STARD3: variants seen among roughly 807,000 people sequenced by gnomAD.
The protein encoded by STARD3 is StAR related lipid transfer domain containing 3.
A neutral mutation model predicts 62.0 loss-of-function variants in STARD3; 39 were observed. The ratio of observed to expected loss-of-function variants is 0.63; its 90% CI spans 0.49 to 0.82. STARD3 has a LOEUF of 0.82. STARD3 is among the 40% of genes least tolerant of loss of function. The probability of loss-of-function intolerance (pLI) is 0.00; values close to 1 mark genes in which losing one functional copy is unlikely to be tolerated. For synonymous variants in STARD3, 229 were observed against 242.4 expected (o/e 0.94, Z 0.51); for missense variants, 543 against 584.5 (o/e 0.93, Z 0.73).
At position 39,660,344 on chromosome 17, in the gene STARD3, C is replaced by T; in HGVS notation, c.858+71C>T. 6.2e-7 allele frequency: 1 copy of T among 1,611,300 alleles called. No individual in the cohort carries two copies. Among genetic ancestry groups the T allele is most frequent in the Non-Finnish European group, 8.5e-7 (1 of 1,177,924 alleles). On this transcript the variant is annotated intron_variant, in intron 10 of 14. Transcript: ENST00000336308. This position sits in a 1 kb window ranked among gnomAD's most constrained non-coding sequence, Gnocchi z 4.8. Reference sequence around the variant, plus strand: ...GGCTCCAGGAAGGTGCCGAGGGGCCCTCTGGTGGGTGCCCCCCACCAAGAG... The same window carrying T: ...GGCTCCAGGAAGGTGCCGAGGGGCCTTCTGGTGGGTGCCCCCCACCAAGAG...
chr17:39,650,548 C>T (rs1448254529), intron 1 of STARD3, among the ~76,000 whole-genome samples: 1 of 152,156 alleles, frequency 6.6e-6, no homozygotes, highest in Non-Finnish European at 1.5e-5. Flanking sequence ...TGACTCACGC[C>T]TGTAATCCCA....
Position 39,658,739 on chromosome 17 carries a change from G to A in STARD3, c.565G>A (p.Val189Ile). The A allele has an allele frequency of 6.2e-7, 1 of 1,613,994 alleles. No homozygotes were observed. Among genetic ancestry groups the A allele is most frequent in the Non-Finnish European group, 8.5e-7 (1 of 1,179,990 alleles). ...EEERWYLAAQVAVARGPLLFS... is the reference protein window; with the variant it reads ...EEERWYLAAQIAVARGPLLFS... ...TCCTCCAGGGTATCTTGCCGCCCAG[G>A]TTGCTGTTGCCCGTGGACCCCTGCT... The change falls in exon 7 of 15, where the codon GTT (valine) becomes ATT (isoleucine). Residue 189 changes from valine to isoleucine, a missense_variant. By Grantham distance (29) the Val-to-Ile change is conservative. Transcript: ENST00000336308.
At chr17:39,646,586 TGA>T (rs981432876) in intron 1 of STARD3, among the ~76,000 whole-genome samples, 1 of 152,142 alleles carries the variant, frequency 6.6e-6, no homozygotes, top group African/African-American at 2.4e-5. Flanking sequence ...CTGAGGAAAC[TGA>T]GTCTCAGAAG....
rs1021057084 is a variant in STARD3 at position 39,663,841 on chromosome 17, G to A, written c.*933G>A. Among the ~76,000 whole-genome samples, 4 of 152,134 alleles carry A rather than the reference G, an allele frequency of 2.6e-5. No homozygotes were observed. Among genetic ancestry groups the A allele is most frequent in the African/African-American group, 9.7e-5 (4 of 41,410 alleles). ...CCTGGAGATGGGGCCTGAGCTTCAGGGTCACTGAGGCACCTCTGGGATCCA... is the reference window on the plus strand; with the variant it reads ...CCTGGAGATGGGGCCTGAGCTTCAGAGTCACTGAGGCACCTCTGGGATCCA... On this transcript the variant is annotated 3_prime_UTR_variant, in exon 15 of 15. Transcript: ENST00000336308.
At chr17:39,643,468 G>A (rs558387719) in intron 1 of STARD3, among the ~76,000 whole-genome samples, 15 of 152,272 alleles carry the variant, frequency 9.9e-5, no homozygotes, top group African/African-American at 3.6e-4. Flanking sequence ...GCATTAAGGA[G>A]ATGGTGTCTG....
At chr17:39,659,156 G>T (rs2057166308) in intron 8 of STARD3, 50 bp downstream of exon 8, 6 of 1,612,024 alleles carry the variant, frequency 3.7e-6, no homozygotes, top group Non-Finnish European at 5.1e-6. Context: ...GGTGCCTGGA[G>T]GAGGGCGGGT....
In STARD3 at chr17:39,653,515, G is replaced by T. The variant is rs754729142; in HGVS notation, c.-17G>T. 1.2e-6 allele frequency: 2 copies of T among 1,600,400 alleles called. No individual in the cohort carries two copies. The highest frequency in any genetic ancestry group is 1.7e-6 in the Non-Finnish European group (2 of 1,179,316). ...TGAGGCCGCGCCCTCCCCGCCCTGA[G>T]GTGGGGGCCCACCAGGATGAGCAAG... On this transcript the variant is annotated 5_prime_UTR_variant, in exon 2 of 15. In the 5' UTR this introduces an upstream ATG that the reference lacks. Transcript: ENST00000336308.
intron 14 of STARD3, chr17:39,662,602 C>T (rs2057212547): frequency 1.3e-5 from 8 of 639,974 alleles, no homozygotes. Context: ...CCGGCCCCAC[C>T]CTGGTCTGTT....
chr17:39,663,228 A>C lies in STARD3; in HGVS notation c.*320A>C. 2.4e-6 allele frequency: 1 copy of C among 410,490 alleles called. No homozygotes were observed. The highest frequency in any genetic ancestry group is 2.0e-5 in the African/African-American group (1 of 48,830). 25.4% of individuals were successfully genotyped at this position (410,490 alleles called of 1,614,324 possible). On this transcript the variant is annotated 3_prime_UTR_variant, in exon 15 of 15. Transcript: ENST00000336308. ...TGGGCACCTGACTTGGCTGGGGAGG[A>C]CCAGGGCCCTGGGCAGGGCAGGGCA...
chr17:39,648,847 G>T (rs1349047813), intron 1 of STARD3, among the ~76,000 whole-genome samples: 1 of 152,212 alleles, frequency 6.6e-6, no homozygotes, highest in Admixed American at 6.5e-5. Context: ...GCATGTGAGT[G>T]TCAGTGTGGT....
chr17:39,637,854 C>T (rs1430600725), intron 1 of STARD3, among the ~76,000 whole-genome samples: 1 of 152,202 alleles, frequency 6.6e-6, no homozygotes, highest in African/African-American at 2.4e-5. Context: ...TGTCGCCCAA[C>T]CCCTCGCTCT....
At position 39,641,437 on chromosome 17, in the gene STARD3, A is replaced by G. The variant is rs954064026; in HGVS notation, c.-52+4206A>G. Among the ~76,000 whole-genome samples, 5 of 152,052 alleles carry G rather than the reference A, an allele frequency of 3.3e-5. No individual in the cohort carries two copies. The South Asian group carries it at 1.0e-3, about 32-fold the overall frequency. On this transcript the variant is annotated intron_variant, in intron 1 of 14. Transcript: ENST00000336308. Reference sequence around the variant, plus strand: ...AGCCACTGCACTCCAGTCTGGCAACATAGTGAGACCTGTCTCTTAAAAAAA... The same window carrying G: ...AGCCACTGCACTCCAGTCTGGCAACGTAGTGAGACCTGTCTCTTAAAAAAA...
Position 39,662,357 on chromosome 17 carries a change from G to A in STARD3, c.1233+13G>A. The A allele has an allele frequency of 6.2e-7, 1 of 1,612,128 alleles. No homozygotes were observed. The highest frequency in any genetic ancestry group is 8.5e-7 in the Non-Finnish European group (1 of 1,179,022). ...TACAGATCTCAAGGTGGGGTGCTGG[G>A]GGGCTGCCAGGTGGGTTCTGTGGAG... is the stretch of plus-strand genomic sequence containing the variant. On this transcript the variant is annotated intron_variant, in intron 14 of 14. Transcript: ENST00000336308.
At chr17:39,639,927 G>A (rs2056968357) in intron 1 of STARD3, among the ~76,000 whole-genome samples, 1 of 152,212 alleles carries the variant, frequency 6.6e-6, no homozygotes, top group South Asian at 2.1e-4. Context: ...TCCAGCCTGG[G>A]TCAGATGATC....
chr17:39,660,654 T>G lies in STARD3; in HGVS notation c.954+128T>G. On this transcript the variant is annotated intron_variant, in intron 11 of 14. Transcript: ENST00000336308. The surrounding 1 kb of genome is among the most constrained non-coding windows in gnomAD (Gnocchi z 4.8). ...TGGGTGTGATGGTAACAGTGCCTGC[T>G]CGGGAGGGTCGGGAGGAGGGCAGGA... The G allele has an allele frequency of 7.5e-7, 1 of 1,331,620 alleles. No homozygotes were observed. Among genetic ancestry groups the G allele is most frequent in the Non-Finnish European group, 1.1e-6 (1 of 943,990 alleles). The allele number at this position is 1,331,620 out of a possible 1,614,324, so 82.5% of individuals were successfully genotyped here.
intron 1 of STARD3, among the ~76,000 whole-genome samples, chr17:39,641,445 A>G (rs1297164197): frequency 6.6e-6 from 1 of 151,056 alleles, no homozygotes; most frequent in Non-Finnish European, 1.5e-5. Flanking sequence ...ACATAGTGAG[A>G]CCTGTCTCTT....
At chr17:39,642,794 T>C (rs896474411) in intron 1 of STARD3, among the ~76,000 whole-genome samples, 2 of 151,992 alleles carry the variant, frequency 1.3e-5, no homozygotes, top group African/African-American at 4.8e-5. Context: ...AGGGACCTCA[T>C]TGGAATGAGA....
chr17:39,659,736 C>T (rs975201237), intron 9 of STARD3, 183 bp downstream of exon 9: 2 of 609,778 alleles, frequency 3.3e-6, no homozygotes, highest in African/African-American at 3.8e-5. Context: ...CCCCGTGCCC[C>T]TTGGCCCCCC....
At chr17:39,656,945 G>A (rs2057136029) in intron 2 of STARD3, 63 bp from the exon 3 acceptor site, 2 of 1,533,056 alleles carry the variant, frequency 1.3e-6, no homozygotes, top group Admixed American at 1.7e-5. Flanking sequence ...CCTTCCGGGA[G>A]GTGAGGGGCA....
Sources: allele counts gnomAD v4.1 joint callset (sites outside exome capture counted in the v4.1 genomes callset), GRCh38; gene constraint gnomAD v4.1.1; non-coding constraint Gnocchi (gnomAD v3.1); transcripts MANE v1.5; gene names NCBI Gene and HGNC (gene_info 2026-07-23, HGNC 2026-07-21).